The following BRINP1 variants were observed in gnomAD, a reference collection of about 807,000 sequenced individuals.
The protein encoded by BRINP1 is BMP/retinoic acid inducible neural specific 1.
In BRINP1, 17 loss-of-function variants were observed where a neutral mutation model predicts 72.9. That is an observed-to-expected ratio of 0.23 (90% CI 0.16 to 0.35). The LOEUF is 0.35. Ranked by LOEUF, BRINP1 falls within the 10% of genes least tolerant of loss-of-function variation. The probability of loss-of-function intolerance (pLI) is 1.00; values close to 1 mark genes in which losing one functional copy is unlikely to be tolerated. For synonymous variants in BRINP1, 418 were observed against 378.5 expected (o/e 1.10, Z -1.21); for missense variants, 850 against 1,001.6 (o/e 0.85, Z 2.04).
At chr9:119,278,895 C>A (rs1361882718) in intron 2 of BRINP1, among the ~76,000 whole-genome samples, 1 of 151,958 alleles carries the variant, frequency 6.6e-6, no homozygotes, top group Non-Finnish European at 1.5e-5. Context: ...TCAAAAACAG[C>A]AACAACAACA....
At chr9:119,213,700 A>T in intron 6 of BRINP1, 1 of 620,398 alleles carries the variant, frequency 1.6e-6, no homozygotes, top group Non-Finnish European at 2.9e-6. Context: ...ACATCATATG[A>T]CCACAAACTG....
At chr9:119,232,772 G>A (rs1489594431) in intron 5 of BRINP1, among the ~76,000 whole-genome samples, 1 of 151,882 alleles carries the variant, frequency 6.6e-6, no homozygotes, top group Non-Finnish European at 1.5e-5. Context: ...TTCCACATCA[G>A]GGAGCTACTG....
intron 3 of BRINP1, among the ~76,000 whole-genome samples, chr9:119,245,251 A>G (rs762020309): frequency 6.6e-6 from 1 of 152,260 alleles, no homozygotes; most frequent in Non-Finnish European, 1.5e-5. Flanking sequence ...AATGATGTGT[A>G]CACGTGTGTG....
chr9:119,363,256 G>GT (rs1382355797), intron 1 of BRINP1, among the ~76,000 whole-genome samples: 3 of 152,064 alleles, frequency 2.0e-5, no homozygotes, highest in African/African-American at 4.8e-5. Context: ...GTGCCCAGCT[G>GT]TTTTTTTAAA....
chr9:119,338,907 A>C (rs1026721563), intron 1 of BRINP1, among the ~76,000 whole-genome samples: 2 of 151,682 alleles, frequency 1.3e-5, no homozygotes, highest in Non-Finnish European at 2.9e-5. Flanking sequence ...AAACAAAAAA[A>C]AACAACAACA....
At chr9:119,283,870 C>T (rs992361095) in intron 2 of BRINP1, among the ~76,000 whole-genome samples, 1 of 152,144 alleles carries the variant, frequency 6.6e-6, no homozygotes, top group Non-Finnish European at 1.5e-5. Flanking sequence ...CATACCGTCA[C>T]CTGATGCTAT....
intron 7 of BRINP1, among the ~76,000 whole-genome samples, chr9:119,198,403 A>C (rs1301478194): frequency 2.0e-5 from 3 of 152,218 alleles, no homozygotes; most frequent in Non-Finnish European, 4.4e-5. Context: ...CATGCAGAAA[A>C]TTGAAGCCTG....
At chr9:119,233,375 T>C (rs968428471) in intron 5 of BRINP1, among the ~76,000 whole-genome samples, 1 of 152,058 alleles carries the variant, frequency 6.6e-6, no homozygotes, top group East Asian at 1.9e-4. Flanking sequence ...AATACAATTA[T>C]AAAATAAAAA....
At position 119,208,752 on chromosome 9, in the gene BRINP1, C is replaced by A. The variant is rs761356301; in HGVS notation, c.1112G>T (p.Arg371Leu). The change falls in exon 7 of 8, where the codon CGC becomes CTC. Residue 371 changes from arginine to leucine, a missense_variant. Physicochemically the swap from Arg to Leu is moderately radical, Grantham distance 102 (BLOSUM62 -2). Transcript: ENST00000265922. ...RKLFGLSVRC[R>L]HNPNHQLPRE... The stretch of plus-strand genomic sequence containing the variant: ...AGGCAGCTGGTGGTTGGGATTGTGG[C>A]GACAGCGTACACTGAGGCCGAAAAG... The A allele has an allele frequency of 1.9e-6, 3 of 1,613,406 alleles. No homozygotes were observed. Among genetic ancestry groups the A allele is most frequent in the Admixed American group, 1.7e-5 (1 of 60,018 alleles).
intron 1 of BRINP1, among the ~76,000 whole-genome samples, chr9:119,356,192 C>T (rs1260042043): frequency 6.6e-6 from 1 of 152,072 alleles, no homozygotes; most frequent in African/African-American, 2.4e-5. Flanking sequence ...ATGCTCTTCC[C>T]CCAGATATCC....
At chr9:119,180,714 T>C (rs989902907) in intron 7 of BRINP1, among the ~76,000 whole-genome samples, 13 of 152,050 alleles carry the variant, frequency 8.5e-5, no homozygotes, top group African/African-American at 3.1e-4. Context: ...GTTTCTAACA[T>C]TGCTTTAATA....
intron 2 of BRINP1, among the ~76,000 whole-genome samples, chr9:119,276,049 T>G (rs1830654513): frequency 6.6e-6 from 1 of 152,172 alleles, no homozygotes; most frequent in African/African-American, 2.4e-5. Flanking sequence ...ATCTGTTATC[T>G]TTTCTTCTTC....
At chr9:119,366,484 T>G (rs1831691962) in intron 1 of BRINP1, among the ~76,000 whole-genome samples, 2 of 150,834 alleles carry the variant, frequency 1.3e-5, no homozygotes, top group African/African-American at 4.9e-5. Context: ...TGTCTCTCTC[T>G]CAGTCCTCCC....
chr9:119,278,894 GCAA>G (rs1160697882), intron 2 of BRINP1, among the ~76,000 whole-genome samples: 4 of 151,994 alleles, frequency 2.6e-5, no homozygotes, highest in African/African-American at 7.2e-5. Context: ...CTCAAAAACA[GCAA>G]CAACAACAAC....
chr9:119,295,276 T>C (rs1466567186), intron 2 of BRINP1, among the ~76,000 whole-genome samples: 1 of 152,164 alleles, frequency 6.6e-6, no homozygotes, highest in Non-Finnish European at 1.5e-5. Flanking sequence ...ACTGCTGGCC[T>C]CAAGCAATCC....
At chr9:119,232,431 T>G (rs1251083665) in intron 5 of BRINP1, among the ~76,000 whole-genome samples, 1 of 152,206 alleles carries the variant, frequency 6.6e-6, no homozygotes, top group Non-Finnish European at 1.5e-5. Flanking sequence ...GCCTAAATTT[T>G]CAATTGCTTC....
At chr9:119,344,111 A>G (rs1831429510) in intron 1 of BRINP1, among the ~76,000 whole-genome samples, 1 of 151,616 alleles carries the variant, frequency 6.6e-6, no homozygotes, top group Non-Finnish European at 1.5e-5. Context: ...TCTGTTTCCC[A>G]CTCTGCTGTG....
chr9:119,255,982 A>AC (rs1830443921), intron 2 of BRINP1, among the ~76,000 whole-genome samples: 7 of 134,334 alleles, frequency 5.2e-5, no homozygotes, highest in African/African-American at 1.9e-4. Flanking sequence ...AAAAAAAAAA[A>AC]ACACGAGACA....
At chr9:119,328,649 G>A (rs926171872) in intron 1 of BRINP1, among the ~76,000 whole-genome samples, 1 of 152,184 alleles carries the variant, frequency 6.6e-6, no homozygotes, top group East Asian at 1.9e-4. Flanking sequence ...GGAGCCATAG[G>A]CTGATAACGG....
Sources: gnomAD v4.1 joint callset for allele counts (sites outside exome capture counted in the v4.1 genomes callset) on GRCh38, gnomAD v4.1.1 for gene constraint, MANE v1.5 for transcripts, NCBI Gene and HGNC (gene_info 2026-07-23, HGNC 2026-07-21) for gene names.